ZNF219: variants seen among roughly 807,000 people sequenced by gnomAD.
ZNF219 encodes zinc finger protein 219.
A neutral mutation model predicts 54.4 loss-of-function variants in ZNF219; 17 were observed. The ratio of observed to expected loss-of-function variants is 0.31; its 90% CI spans 0.21 to 0.47. ZNF219 has a LOEUF of 0.47. ZNF219 is among the 20% of genes least tolerant of loss of function. The probability of loss-of-function intolerance (pLI) is 1.00; values close to 1 mark genes in which losing one functional copy is unlikely to be tolerated. For missense variants in ZNF219, 1,014 were observed against 1,062.3 expected (o/e 0.95, Z 0.63); for synonymous variants, 518 against 476.4 (o/e 1.09, Z -1.14).
In ZNF219 at chr14:21,091,212, T is replaced by C. The variant is rs1018856491; in HGVS notation, c.1565-72A>G. Reference sequence around the variant, plus strand: ...CGCACCCACCCGAATTTCGCCCAATTTACAGACCTCATTCTCAGAACCAAG... The same window carrying C: ...CGCACCCACCCGAATTTCGCCCAATCTACAGACCTCATTCTCAGAACCAAG... On this transcript the variant is annotated intron_variant, in intron 4 of 4. Coordinates refer to ENST00000360947, the MANE Select transcript of ZNF219 (RefSeq NM_016423.3). 34 of 1,527,010 alleles carry C rather than the reference T, an allele frequency of 2.2e-5. No individual in the cohort carries two copies. The African/African-American group carries it at 4.7e-4, about 21-fold the overall frequency. 94.6% of individuals were successfully genotyped at this position (1,527,010 alleles called of 1,614,324 possible).
At chr14:21,098,721 C>A, upstream of ZNF219, 1 of 1,172,450 alleles carries the variant, frequency 8.5e-7, no homozygotes, top group Non-Finnish European at 1.1e-6. Flanking sequence ...AGGATTCCAA[C>A]AGGAGACTGG....
chr14:21,093,861 C>A, intron 1 of ZNF219, 187 bp from the exon 2 acceptor site: 1 of 583,010 alleles, frequency 1.7e-6, no homozygotes, highest in African/African-American at 1.9e-5. Flanking sequence ...AGCCTACAAG[C>A]CTCCCAGATA....
Position 21,092,553 on chromosome 14 carries a change from CGGCTCCGGCTGG to C in ZNF219, c.732_743del (p.Gln245_Pro248del), listed in dbSNP as rs1888999398. ...TTGCCTCACGTTCGGGCTCCGGCTCCGGCTCCGGCTGGGGGACTGATCTGGGTTCGGGCTGGG... is the reference window on the plus strand; with the variant it reads ...TTGCCTCACGTTCGGGCTCCGGCTCCGGGACTGATCTGGGTTCGGGCTGGG... On this transcript the variant is annotated inframe_deletion, in exon 3 of 5. Transcript: ENST00000360947. 1 of 1,548,220 alleles carries C rather than the reference CGGCTCCGGCTGG, an allele frequency of 6.5e-7. No individual in the cohort carries two copies. Among genetic ancestry groups the C allele is most frequent in the Non-Finnish European group, 8.7e-7 (1 of 1,146,276 alleles).
rs1313557687 is a variant in ZNF219 at position 21,093,694 on chromosome 14, T to A, written c.-83-20A>T. ...GTGGAGCTAAAGCAAGAGACAGATTTGGAGGAAAAGATGAGCCCTAGTTTT... is the reference window on the plus strand; with the variant it reads ...GTGGAGCTAAAGCAAGAGACAGATTAGGAGGAAAAGATGAGCCCTAGTTTT... On this transcript the variant is annotated intron_variant, in intron 1 of 4. Coordinates refer to ENST00000360947, the MANE Select transcript of ZNF219 (RefSeq NM_016423.3). The A allele has an allele frequency of 6.2e-7, 1 of 1,611,052 alleles. No individual in the cohort carries two copies.
At chr14:21,103,282 GC>G, upstream of ZNF219, 1 of 1,545,306 alleles carries the variant, frequency 6.5e-7, no homozygotes, top group Non-Finnish European at 8.7e-7. Context: ...AGACATTCCT[GC>G]ATCCCACCCC....
chr14:21,092,286 G>A lies in ZNF219; in HGVS notation c.1011C>T (p.Ala337=). The change falls in exon 3 of 5, where the codon GCC becomes GCT. Residue 337 remains alanine (A), a synonymous_variant. Coordinates refer to ENST00000360947, the MANE Select transcript of ZNF219 (RefSeq NM_016423.3). ...GCTGGGGGGCGCGGGCAGGCCCGGA[G>A]GCAGGCCCCGGGGCACGCAGTGGGC... is the stretch of plus-strand genomic sequence containing the variant. ...KLGPLRAPGP[A]SGPARAPQPP... 6.6e-7 allele frequency: 1 copy of A among 1,509,636 alleles called. No homozygotes were observed. Among genetic ancestry groups the A allele is most frequent in the East Asian group, 2.4e-5 (1 of 40,912 alleles). 93.5% of individuals were successfully genotyped at this position (1,509,636 alleles called of 1,614,324 possible).
rs1888915307 is a variant in ZNF219 at position 21,091,873 on chromosome 14, G to A, written c.1424C>T (p.Ala475Val). ...GGAGGGTACCTACATACCCTGCGTG[G>A]CGGTCGATCTTGCCTGGGCCCCAGC... ...SAAGAQARST[A>V]TQEENGLLVG... Residue 475 changes from alanine to valine, a missense_variant, in exon 3 of 5, where the codon GCC (alanine) becomes GTC (valine). By Grantham distance (64) the Ala-to-Val change is moderately conservative (BLOSUM62 0). This residue lies in a region of ZNF219 where 272 missense variants were observed against 248.9 expected (regional missense o/e 1.09). Coordinates refer to ENST00000360947, the MANE Select transcript of ZNF219 (RefSeq NM_016423.3). 2 of 1,550,812 alleles carry A rather than the reference G, an allele frequency of 1.3e-6. No homozygotes were observed. Among genetic ancestry groups the A allele is most frequent in the Non-Finnish European group, 1.7e-6 (2 of 1,154,392 alleles).
chr14:21,102,923 G>A, upstream of ZNF219: 1 of 1,378,438 alleles, frequency 7.3e-7, no homozygotes, highest in South Asian at 1.5e-5. Flanking sequence ...GGCTTTCTCT[G>A]GCTTTGAACA....
upstream of ZNF219, chr14:21,101,690 A>C: frequency 1.5e-6 from 1 of 656,204 alleles, no homozygotes; most frequent in Non-Finnish European, 2.6e-6. Context: ...CTACAATATG[A>C]GGCAGAAAAA....
chr14:21,090,943 C>T lies in ZNF219; in HGVS notation c.1762G>A (p.Val588Met), dbSNP rs765537991. The change falls in exon 5 of 5, where the codon GTG becomes ATG. Residue 588 changes from valine to methionine, a missense_variant. This residue lies in a region of ZNF219 where 281 missense variants were observed against 271.2 expected (regional missense o/e 1.04). Transcript: ENST00000360947. This position sits in a 1 kb window ranked among gnomAD's most constrained non-coding sequence, Gnocchi z 4.4. ...AKPSPQPATWVEGASSPRPPS... is the reference protein window; with the variant it reads ...AKPSPQPATWMEGASSPRPPS... Reference sequence around the variant, plus strand: ...GGCCGGGGACTTGAGGCGCCCTCCACCCAGGTCGCAGGCTGCGGAGACGGC... The same window carrying T: ...GGCCGGGGACTTGAGGCGCCCTCCATCCAGGTCGCAGGCTGCGGAGACGGC... 6 of 1,548,152 alleles carry T rather than the reference C, an allele frequency of 3.9e-6. No homozygotes were observed. The Admixed American group carries it at 5.8e-5, about 15-fold the overall frequency.
At chr14:21,101,526 C>T, upstream of ZNF219, 2 of 1,368,616 alleles carry the variant, frequency 1.5e-6, no homozygotes, top group Non-Finnish European at 2.0e-6. Flanking sequence ...ATCCATCCAT[C>T]CATGTTAAGT....
upstream of ZNF219, among the ~76,000 whole-genome samples, chr14:21,099,563 A>T (rs1889510404): frequency 6.6e-6 from 1 of 152,198 alleles, no homozygotes; most frequent in Non-Finnish European, 1.5e-5. Flanking sequence ...CTTACAAAAG[A>T]TCACTTGCCT....
upstream of ZNF219, chr14:21,102,437 C>T: frequency 1.9e-6 from 3 of 1,551,714 alleles, no homozygotes; most frequent in Non-Finnish European, 2.6e-6. Context: ...ACACCTTCAA[C>T]TTGATCTTGG....
intron 1 of ZNF219, among the ~76,000 whole-genome samples, chr14:21,097,760 G>C (rs1020474702): frequency 3.9e-5 from 6 of 152,122 alleles, no homozygotes; most frequent in African/African-American, 1.4e-4. Flanking sequence ...CTGCTGCCGC[G>C]GGCCGAGCTC....
At chr14:21,101,278 T>C (rs1295640310), upstream of ZNF219, 2 of 1,426,576 alleles carry the variant, frequency 1.4e-6, no homozygotes, top group African/African-American at 1.4e-5. Context: ...TGTCTCCTAA[T>C]AGACAGAACC....
intron 1 of ZNF219, among the ~76,000 whole-genome samples, chr14:21,094,861 C>G (rs1178909612): frequency 6.7e-6 from 1 of 149,298 alleles, no homozygotes; most frequent in Non-Finnish European, 1.5e-5. Flanking sequence ...CTTTCTGCCT[C>G]ATATAGAATA....
At position 21,092,021 on chromosome 14, in the gene ZNF219, G is replaced by T. The variant is rs374484616; in HGVS notation, c.1276C>A (p.Pro426Thr). ...TCCACCACCTCCTCTTCTTCCTCAG[G>T]CTCCTCCGCACGGTGCCGGCGAGCC... ...ARARRHRAEE[P>T]EEEEEVVEAE... Residue 426 changes from proline to threonine, a missense_variant, in exon 3 of 5, where the codon CCT becomes ACT. Physicochemically the swap from Pro to Thr is conservative, Grantham distance 38 (BLOSUM62 -1). Coordinates refer to ENST00000360947, the MANE Select transcript of ZNF219 (RefSeq NM_016423.3). The T allele has an allele frequency of 3.2e-5, 49 of 1,552,732 alleles. No homozygotes were observed. The African/African-American group carries it at 6.3e-4, about 20-fold the overall frequency.
chr14:21,102,599 G>A, upstream of ZNF219: 1 of 1,551,126 alleles, frequency 6.4e-7, no homozygotes, highest in African/African-American at 1.4e-5. Flanking sequence ...AACAGGTGCG[G>A]GGTCCCTGCA....
At chr14:21,098,153 T>G in intron 1 of ZNF219, among the ~76,000 whole-genome samples, 159 bp downstream of exon 1, 2 of 139,240 alleles carry the variant, frequency 1.4e-5, no homozygotes, top group Non-Finnish European at 3.1e-5. Flanking sequence ...CGAAGTTTGC[T>G]TGGGGCCGAG....
Sources: gnomAD v4.1 joint callset for allele counts (sites outside exome capture counted in the v4.1 genomes callset) on GRCh38, gnomAD v4.1.1 for gene constraint, gnomAD v4.1.1 regional missense constraint, Gnocchi (gnomAD v3.1) non-coding constraint, MANE v1.5 for transcripts, NCBI Gene and HGNC (gene_info 2026-07-23, HGNC 2026-07-21) for gene names.